The following PKD2L2 variants were observed in gnomAD, a reference collection of about 807,000 sequenced individuals.
The protein encoded by PKD2L2 is polycystin 2 like 2, transient receptor potential cation channel, also known as polycystin-2-like protein 2.
A neutral mutation model predicts 83.9 loss-of-function variants in PKD2L2; 67 were observed. The ratio of observed to expected loss-of-function variants is 0.80; its 90% CI spans 0.66 to 0.98. PKD2L2 has a LOEUF of 0.98. Among genes scored for constraint, PKD2L2 ranks in the 50% least tolerant of loss-of-function variants. PKD2L2 has a pLI of 0.00. For missense variants in PKD2L2, 632 were observed against 717.2 expected (o/e 0.88, Z 1.36); for synonymous variants, 223 against 237.8 (o/e 0.94, Z 0.57).
At chr5:137,939,235 A>G (rs1760979116) in intron 14 of PKD2L2, 1 of 152,574 alleles carries the variant, frequency 6.6e-6, no homozygotes, top group Non-Finnish European at 1.5e-5. Flanking sequence ...GGAAAAAAAA[A>G]AAGATAACCC....
At chr5:137,901,140 A>G (rs1756919816) in intron 5 of PKD2L2, among the ~76,000 whole-genome samples, 1 of 151,728 alleles carries the variant, frequency 6.6e-6, no homozygotes, top group African/African-American at 2.4e-5. Context: ...GTGTCTCAAA[A>G]AAAAAAAAAG....
intron 12 of PKD2L2, among the ~76,000 whole-genome samples, chr5:137,927,521 G>C (rs1455138678): frequency 6.6e-6 from 1 of 152,060 alleles, no homozygotes; most frequent in Non-Finnish European, 1.5e-5. Context: ...GCATCATTGG[G>C]GCAACTGATA....
chr5:137,894,739 G>T (rs552932302), intron 4 of PKD2L2, 130 bp downstream of exon 4: 2 of 670,746 alleles, frequency 3.0e-6, no homozygotes, highest in Non-Finnish European at 5.0e-6. Flanking sequence ...TAGTAAAAAA[G>T]GAAGATGTGG....
Position 137,935,883 on chromosome 5 carries a change from G to A in PKD2L2, c.1758G>A (p.Gln586=). The A allele has an allele frequency of 6.3e-7, 1 of 1,596,348 alleles. No individual in the cohort carries two copies. The highest frequency in any genetic ancestry group is 8.6e-7 in the Non-Finnish European group (1 of 1,164,076). The stretch of plus-strand genomic sequence containing the variant: ...CTATGGAAATTCAAGATGACTACCA[G>A]CCTGTCACTCAAGAAGAATTTCGAG... ...YYSMEIQDDY[Q]PVTQEEFREL... Residue 586 remains glutamine, a synonymous_variant, in exon 13 of 15, where the codon CAG becomes CAA. Coordinates refer to ENST00000508883, the MANE Select transcript of PKD2L2 (RefSeq NM_001300921.2).
intron 8 of PKD2L2, among the ~76,000 whole-genome samples, chr5:137,918,795 G>A (rs1004371019): frequency 1.3e-5 from 2 of 151,936 alleles, no homozygotes; most frequent in Non-Finnish European, 2.9e-5. Context: ...TCTAGATGGG[G>A]ACAGGGGAGA....
intron 4 of PKD2L2, among the ~76,000 whole-genome samples, chr5:137,895,877 C>CAA (rs375612119): frequency 0.018 from 1,609 of 90,086 alleles, 24 homozygotes; most frequent in African/African-American, 0.059. Flanking sequence ...GACACAGTCT[C>CAA]AAAAAAAAAA....
At chr5:137,898,870 A>G (rs1482895051) in intron 4 of PKD2L2, among the ~76,000 whole-genome samples, 1 of 152,174 alleles carries the variant, frequency 6.6e-6, no homozygotes, top group Non-Finnish European at 1.5e-5. Context: ...CGAGGACTAC[A>G]GGCATGTGCT....
At chr5:137,902,610 C>T (rs777273816) in intron 5 of PKD2L2, among the ~76,000 whole-genome samples, 5 of 152,116 alleles carry the variant, frequency 3.3e-5, no homozygotes, top group Non-Finnish European at 7.4e-5. Context: ...AATCAATTAG[C>T]ATGGTCCATG....
chr5:137,902,132 A>T (rs1757012268), intron 5 of PKD2L2, among the ~76,000 whole-genome samples: 1 of 152,182 alleles, frequency 6.6e-6, no homozygotes, highest in African/African-American at 2.4e-5. Flanking sequence ...ACATAGAAAC[A>T]GAACAGAAAA....
At chr5:137,890,344 G>T in intron 1 of PKD2L2, 137 bp from the exon 2 acceptor site, 1 of 591,848 alleles carries the variant, frequency 1.7e-6, no homozygotes, top group Non-Finnish European at 3.0e-6. Context: ...GTAAAACTAA[G>T]AATTGAAAAA....
At position 137,890,475 on chromosome 5, in the gene PKD2L2, TCA is replaced by T; in HGVS notation, c.32-3_32-2del. On this transcript the variant is annotated splice_polypyrimidine_tract_variant and splice_region_variant and intron_variant, in intron 1 of 14. Transcript: ENST00000508883. ...GTAAAGAAAAATTTTGTCTTATATCTCACAGGGGCTTCGAAACATAAGTTGCA... is the reference window on the plus strand; with the variant it reads ...GTAAAGAAAAATTTTGTCTTATATCTCAGGGGCTTCGAAACATAAGTTGCA... The T allele has an allele frequency of 6.5e-7, 1 of 1,534,652 alleles. No homozygotes were observed. The highest frequency in any genetic ancestry group is 8.9e-7 in the Non-Finnish European group (1 of 1,127,536).
chr5:137,901,413 A>G (rs78587181), intron 5 of PKD2L2, among the ~76,000 whole-genome samples: 8 of 8,528 alleles, frequency 9.4e-4, no homozygotes, highest in Non-Finnish European at 1.3e-3. Flanking sequence ...CTATTCTGGA[A>G]AAAAAAAAAT....
chr5:137,935,949 G>A, intron 13 of PKD2L2, 40 bp downstream of exon 13: 2 of 1,090,644 alleles, frequency 1.8e-6, no homozygotes, highest in Non-Finnish European at 2.8e-6. Flanking sequence ...GGGATATCAT[G>A]ACATGCGCAT....
At chr5:137,891,834 C>T (rs932693796) in intron 2 of PKD2L2, among the ~76,000 whole-genome samples, 2 of 152,186 alleles carry the variant, frequency 1.3e-5, no homozygotes, top group South Asian at 2.1e-4. Context: ...CAGGCCTGTG[C>T]CACCACGCCC....
chr5:137,920,314 AATAAG>A (rs1370887306), intron 8 of PKD2L2, among the ~76,000 whole-genome samples: 3 of 152,368 alleles, frequency 2.0e-5, no homozygotes, highest in African/African-American at 7.2e-5. Context: ...GAGAAAATAA[AATAAG>A]ATTTTCAAGT....
chr5:137,915,817 A>C (rs373334388), intron 8 of PKD2L2, among the ~76,000 whole-genome samples: 6 of 152,174 alleles, frequency 3.9e-5, no homozygotes, highest in Non-Finnish European at 8.8e-5. Flanking sequence ...TGTTATAATA[A>C]TACTAGCTTT....
chr5:137,924,332 G>A (rs999577935), intron 10 of PKD2L2, among the ~76,000 whole-genome samples: 4 of 152,054 alleles, frequency 2.6e-5, no homozygotes, highest in African/African-American at 4.8e-5. Flanking sequence ...TGTATGTCCC[G>A]GCTAATCTGT....
At chr5:137,941,959 T>C (rs1236056765) in intron 14 of PKD2L2, 3 of 1,613,906 alleles carry the variant, frequency 1.9e-6, no homozygotes, top group Non-Finnish European at 2.5e-6. Flanking sequence ...ATTTTGTTGA[T>C]AAAATGCTTC....
intron 14 of PKD2L2, chr5:137,938,219 G>C (rs1760714780): frequency 1.3e-5 from 2 of 152,492 alleles, no homozygotes; most frequent in Admixed American, 6.6e-5. Flanking sequence ...CATTAACATT[G>C]AATAACATAT....
Sources: gnomAD v4.1 joint callset for allele counts (sites outside exome capture counted in the v4.1 genomes callset) on GRCh38, gnomAD v4.1.1 for gene constraint, MANE v1.5 for transcripts, NCBI Gene and HGNC (gene_info 2026-07-23, HGNC 2026-07-21) for gene names.